The following TRABD variants were observed in gnomAD, a reference collection of about 807,000 sequenced individuals.
TRABD encodes traB domain-containing protein.
In TRABD, 23 loss-of-function variants were observed where a neutral mutation model predicts 39.6. The ratio of observed to expected loss-of-function variants is 0.58; its 90% CI spans 0.42 to 0.82. The LOEUF (loss-of-function observed/expected upper bound fraction) is 0.82. Among genes scored for constraint, TRABD ranks in the 40% least tolerant of loss-of-function variants. The pLI, the probability that TRABD is intolerant of heterozygous loss-of-function variation, is 0.00. For missense variants in TRABD, 487 were observed against 544.9 expected (o/e 0.89, Z 1.06); for synonymous variants, 243 against 232.1 (o/e 1.05, Z -0.43).
At chr22:50,194,645 G>T in intron 4 of TRABD, 139 bp downstream of exon 4, 5 of 1,391,934 alleles carry the variant, frequency 3.6e-6, no homozygotes, top group Non-Finnish European at 4.8e-6. Context: ...TGGTCCCTGG[G>T]AGTGGCAAGG....
intron 7 of TRABD, 26 bp from the exon 8 acceptor site, chr22:50,197,796 CG>C (rs2064173155): frequency 6.4e-7 from 1 of 1,569,364 alleles, no homozygotes; most frequent in Non-Finnish European, 8.7e-7. Context: ...CCCATCCCTG[CG>C]GGGCTGCAGC....
rs376514022 is a variant in TRABD at position 50,194,515 on chromosome 22, C to T, written c.279+9C>T. ...AGAGGGACGTTGTGAAGGTGAGCGC[C>T]GCCACCCGCCACATCCCGGACACGG... is the stretch of plus-strand genomic sequence containing the variant. On this transcript the variant is annotated intron_variant, in intron 4 of 9. Coordinates refer to ENST00000380909, the MANE Select transcript of TRABD (RefSeq NM_001320485.2). The T allele has an allele frequency of 1.9e-5, 29 of 1,550,080 alleles. No individual in the cohort carries two copies. In the Admixed American group the frequency reaches 2.0e-4, roughly 10 times the overall value.
intron 7 of TRABD, 50 bp from the exon 8 acceptor site, chr22:50,197,773 C>CCCCCCCCCCCGGA: frequency 6.9e-7 from 1 of 1,452,410 alleles, no homozygotes; most frequent in Non-Finnish European, 9.6e-7. Flanking sequence ...AGCCCCACCC[C>CCCCCCCCCCCGGA]CCCAGCCCGT....
At chr22:50,196,220 CCAG>C (rs2064099315) in intron 5 of TRABD, among the ~76,000 whole-genome samples, 1 of 152,200 alleles carries the variant, frequency 6.6e-6, no homozygotes, top group Admixed American at 6.5e-5. Flanking sequence ...AGCTCAGACC[CCAG>C]CCCCTCCAGA....
At chr22:50,186,584 C>G (rs2063764579) in intron 1 of TRABD, among the ~76,000 whole-genome samples, 2 of 152,286 alleles carry the variant, frequency 1.3e-5, no homozygotes, top group Admixed American at 1.3e-4. Flanking sequence ...GCGGTGGAGC[C>G]GGCCGAGGTG....
At position 50,198,546 on chromosome 22, in the gene TRABD, C is replaced by T; in HGVS notation, c.*27C>T. The T allele has an allele frequency of 1.3e-6, 2 of 1,487,726 alleles. No individual in the cohort carries two copies. Among genetic ancestry groups the T allele is most frequent in the Non-Finnish European group, 8.9e-7 (1 of 1,123,764 alleles). 92.2% of individuals were successfully genotyped at this position (1,487,726 alleles called of 1,614,324 possible). A position where few individuals can be genotyped will look rare whatever the true frequency, so the allele number is the denominator to read the frequency against. On this transcript the variant is annotated 3_prime_UTR_variant, in exon 10 of 10. Transcript: ENST00000380909. This position sits in a 1 kb window ranked among gnomAD's most constrained non-coding sequence, Gnocchi z 7.9. ...AGACTGCTCCCCGCCCGCTCGGGCC[C>T]CTGAGGAGCCAGTGCCCCCGCGGCA...
intron 5 of TRABD, among the ~76,000 whole-genome samples, chr22:50,196,312 G>A (rs2064103657): frequency 6.6e-6 from 1 of 152,134 alleles, no homozygotes; most frequent in Admixed American, 6.5e-5. Flanking sequence ...GGTGGCCTGG[G>A]CCCCGGGGAA....
intron 4 of TRABD, 136 bp from the exon 5 acceptor site, chr22:50,194,764 C>A: frequency 1.5e-6 from 2 of 1,344,160 alleles, no homozygotes; most frequent in Non-Finnish European, 2.0e-6. Context: ...GCTGTCACTG[C>A]AGCAGCGGGG....
chr22:50,194,996 G>T lies in TRABD; in HGVS notation c.376G>T (p.Ala126Ser). Residue 126 changes from alanine to serine, a missense_variant, in exon 5 of 10, where the codon GCC becomes TCC. Ala to Ser is a moderately conservative substitution (Grantham distance 99). Coordinates refer to ENST00000380909, the MANE Select transcript of TRABD (RefSeq NM_001320485.2). The part of the protein sequence containing the change: ...KMDESTLLRE[A>S]QELSLEKLQQ... ...GGACGAGAGCACGCTGCTGCGGGAG[G>T]CCCAGGAGCTCAGCCTGGAGAAGCT... is the stretch of plus-strand genomic sequence containing the variant. The T allele has an allele frequency of 6.2e-7, 1 of 1,609,350 alleles. No individual in the cohort carries two copies.
intron 5 of TRABD, among the ~76,000 whole-genome samples, chr22:50,196,053 G>A (rs1016760484): frequency 6.6e-6 from 1 of 152,210 alleles, no homozygotes; most frequent in African/African-American, 2.4e-5. Context: ...GAATTCGGCA[G>A]TGCCGTGCTG....
At chr22:50,187,873 G>C (rs1466007882) in intron 1 of TRABD, among the ~76,000 whole-genome samples, 1 of 152,092 alleles carries the variant, frequency 6.6e-6, no homozygotes, top group Non-Finnish European at 1.5e-5. Context: ...CCAGCTACTC[G>C]GGAGGCTGAG....
chr22:50,192,918 C>T, intron 1 of TRABD, 109 bp from the exon 2 acceptor site: 2 of 1,057,890 alleles, frequency 1.9e-6, no homozygotes, highest in East Asian at 2.6e-5. Context: ...GGAAGGAGCC[C>T]CCAGGCCCAC....
intron 1 of TRABD, chr22:50,190,619 G>A (rs2063874291): frequency 6.6e-6 from 1 of 152,420 alleles, no homozygotes; most frequent in African/African-American, 2.4e-5. Context: ...CGGCAGCCTT[G>A]CGCTGCTCTA....
At chr22:50,193,439 CCCT>C in intron 2 of TRABD, 134 bp from the exon 3 acceptor site, 1 of 820,440 alleles carries the variant, frequency 1.2e-6, no homozygotes, top group Middle Eastern at 2.4e-4. Context: ...CGGTCACGGG[CCCT>C]CGTTTTTCAG....
Position 50,198,133 on chromosome 22 carries a change from G to A in TRABD, c.903G>A (p.Val301=), listed in dbSNP as rs1342327477. The change falls in exon 9 of 10, where the codon GTG becomes GTA. Residue 301 remains valine (V), a synonymous_variant. Transcript: ENST00000380909. The surrounding 1 kb of genome is among the most constrained non-coding windows in gnomAD (Gnocchi z 7.9). ...VVVGVVGMGH[V]PGIEKNWSTD... is the part of the protein sequence containing the mutation. ...TGGGCGTCGTGGGCATGGGCCACGT[G>A]CCTGGCATCGAGAAGAACTGGAGCA... The A allele has an allele frequency of 6.2e-7, 1 of 1,612,768 alleles. No homozygotes were observed. Among genetic ancestry groups the A allele is most frequent in the Non-Finnish European group, 8.5e-7 (1 of 1,179,752 alleles).
intron 1 of TRABD, among the ~76,000 whole-genome samples, chr22:50,191,453 C>T (rs1004720010): frequency 2.0e-5 from 3 of 152,226 alleles, no homozygotes; most frequent in Non-Finnish European, 4.4e-5. Context: ...CCTGCTGTGG[C>T]TGTGTGCCAA....
In TRABD at chr22:50,193,016, C is replaced by T. The variant is rs1208757223; in HGVS notation, c.-34-11C>T. 3.8e-5 allele frequency: 59 copies of T among 1,542,302 alleles called. No individual in the cohort carries two copies. The highest frequency in any genetic ancestry group is 4.9e-5 in the Non-Finnish European group (56 of 1,146,708). On this transcript the variant is annotated splice_polypyrimidine_tract_variant and intron_variant, in intron 1 of 9. Transcript: ENST00000380909. ...CCAGGTGGAAACCCCGCCTCTCATG[C>T]CTCTCCTCAGGCTCCCCACAGGTGC...
At position 50,199,206 on chromosome 22, in the gene TRABD, C is replaced by T. The variant is rs1015536441; in HGVS notation, c.*687C>T. The T allele has an allele frequency of 1.1e-5, 8 of 701,666 alleles. No homozygotes were observed. The Admixed American group carries it at 1.3e-4, about 11-fold the overall frequency. 43.5% of individuals were successfully genotyped at this position (701,666 alleles called of 1,614,324 possible). A position where few individuals can be genotyped will look rare whatever the true frequency, so the allele number is the denominator to read the frequency against. ...CTTGGGTCTGTCCCGAGTGGGCTCG[C>T]GTGCAGCCAAACATCAGCTCTGGGT... On this transcript the variant is annotated 3_prime_UTR_variant, in exon 10 of 10. Coordinates refer to ENST00000380909, the MANE Select transcript of TRABD (RefSeq NM_001320485.2).
Position 50,194,480 on chromosome 22 carries a change from G to GACGAC in TRABD, c.255_259dup (p.Ser87ThrfsTer8). 6.3e-7 allele frequency: 1 copy of GACGAC among 1,596,902 alleles called. No homozygotes were observed. Among genetic ancestry groups the GACGAC allele is most frequent in the Non-Finnish European group, 8.5e-7 (1 of 1,172,130 alleles). ...CGTGGTGGGGACAGCCCACTTCAGC[G>GACGAC]ACGACAGCAAGAGGGACGTTGTGAA... On this transcript the variant is annotated frameshift_variant, in exon 4 of 10. Transcript: ENST00000380909. LOFTEE classifies it high-confidence loss of function.
Sources: gnomAD v4.1 joint callset for allele counts (sites outside exome capture counted in the v4.1 genomes callset) on GRCh38, gnomAD v4.1.1 for gene constraint, Gnocchi (gnomAD v3.1) non-coding constraint, MANE v1.5 for transcripts, NCBI Gene and HGNC (gene_info 2026-07-23, HGNC 2026-07-21) for gene names.